MIER2: variants seen among roughly 807,000 people sequenced by gnomAD.
MIER2 encodes mesoderm induction early response protein 2.
Under a neutral mutation model 67.6 loss-of-function variants are expected in MIER2, and 30 were observed. The observed-to-expected ratio is 0.44, with a 90% CI of 0.33 to 0.60. MIER2 has a LOEUF of 0.60. Ranked by LOEUF, MIER2 falls within the 20% of genes least tolerant of loss-of-function variation. The pLI, the probability that MIER2 is intolerant of heterozygous loss-of-function variation, is 0.02. For synonymous variants in MIER2, 372 were observed against 312.6 expected, an observed-to-expected ratio of 1.19 and a Z score of -2.00; for missense variants, 702 against 745.1, an observed-to-expected ratio of 0.94 and a Z score of 0.67.
intron 3 of MIER2, among the ~76,000 whole-genome samples, chr19:330,985 C>A (rs573101136): frequency 2.6e-4 from 40 of 152,262 alleles, no homozygotes; most frequent in African/African-American, 9.1e-4. Context: ...ATACTCCTAC[C>A]TTTTTCAACC....
chr19:312,000 AGG>A, intron 9 of MIER2, 61 bp from the exon 10 acceptor site: 1 of 1,343,094 alleles, frequency 7.4e-7, no homozygotes, highest in East Asian at 4.5e-5. Context: ...AGCGGAAGGA[AGG>A]CCCAGGCCGG....
chr19:314,592 T>C (rs1971153114), intron 7 of MIER2, among the ~76,000 whole-genome samples: 1 of 152,034 alleles, frequency 6.6e-6, no homozygotes, highest in Non-Finnish European at 1.5e-5. Context: ...CCCAGGTTGG[T>C]GCTGTGCCCC....
At chr19:342,339 C>T (rs1568241168) in intron 1 of MIER2, among the ~76,000 whole-genome samples, 1 of 152,014 alleles carries the variant, frequency 6.6e-6, no homozygotes. Flanking sequence ...GAAGAGAAAA[C>T]AGGGCGCACG....
At chr19:318,690 C>T (rs1445733884) in intron 7 of MIER2, among the ~76,000 whole-genome samples, 2 of 152,136 alleles carry the variant, frequency 1.3e-5, no homozygotes, top group South Asian at 2.1e-4. Context: ...GGACATAAAG[C>T]GAGGTGCAAC....
chr19:310,512 C>T (rs895626116), intron 10 of MIER2, among the ~76,000 whole-genome samples: 10 of 67,092 alleles, frequency 1.5e-4, no homozygotes, highest in African/African-American at 1.0e-3. Flanking sequence ...GTTACAAAAA[C>T]GCGGCCCTGA....
At chr19:317,869 A>T (rs1198186151) in intron 7 of MIER2, among the ~76,000 whole-genome samples, 2 of 152,192 alleles carry the variant, frequency 1.3e-5, no homozygotes, top group Non-Finnish European at 2.9e-5. Flanking sequence ...TACATGGACT[A>T]AAAAGTCTAT....
chr19:336,732 T>C (rs945205977), intron 1 of MIER2, among the ~76,000 whole-genome samples: 12 of 152,314 alleles, frequency 7.9e-5, no homozygotes, highest in Middle Eastern at 3.4e-3. Flanking sequence ...ACACTAAAAA[T>C]CAATGAATTA....
chr19:338,170 C>CAAA (rs34351754), intron 1 of MIER2, among the ~76,000 whole-genome samples: 2 of 76,902 alleles, frequency 2.6e-5, no homozygotes, highest in Non-Finnish European at 5.1e-5. Context: ...GACTCCATCT[C>CAAA]AAAAAAAAAA....
intron 8 of MIER2, among the ~76,000 whole-genome samples, chr19:313,135 C>T (rs1472697113): frequency 2.3e-5 from 3 of 130,844 alleles, no homozygotes; most frequent in East Asian, 3.1e-4. Context: ...GTCCACACCA[C>T]CCTCCTGGGC....
rs1015377937 is a variant in MIER2 at position 333,764 on chromosome 19, C to A, written c.243+636G>T. ...AGTGCAGTGGCACGATCTCAGCTCA[C>A]TGCAAGCTCCGTCTCCCGGGTTCAC... On this transcript the variant is annotated intron_variant, in intron 3 of 13. Transcript: ENST00000264819. 2.8e-5 allele frequency among the ~76,000 whole-genome samples: 4 copies of A among 143,930 alleles called. No individual in the cohort carries two copies. The Admixed American group carries it at 2.8e-4, about 10-fold the overall frequency. The allele number at this position is 143,930 out of a possible 152,430, so 94.4% of individuals were successfully genotyped here. A position where few individuals can be genotyped will look rare whatever the true frequency, so the allele number is the denominator to read the frequency against.
At chr19:336,425 G>A (rs1290777180) in intron 1 of MIER2, among the ~76,000 whole-genome samples, 2 of 152,248 alleles carry the variant, frequency 1.3e-5, no homozygotes, top group Non-Finnish European at 2.9e-5. Flanking sequence ...CATGCATCAT[G>A]TGACACTGAA....
intron 1 of MIER2, chr19:343,735 G>GT (rs1972608649): frequency 3.0e-6 from 2 of 670,364 alleles, no homozygotes; most frequent in Admixed American, 6.3e-5. Context: ...CCCGCCTGTC[G>GT]TAACTTCTGC....
chr19:317,090 A>C (rs1196065909), intron 7 of MIER2, among the ~76,000 whole-genome samples: 2 of 152,198 alleles, frequency 1.3e-5, no homozygotes, highest in African/African-American at 4.8e-5. Flanking sequence ...AGAAGATATA[A>C]AAAAATTAAA....
At chr19:315,179 A>G (rs1971184267) in intron 7 of MIER2, among the ~76,000 whole-genome samples, 1 of 152,100 alleles carries the variant, frequency 6.6e-6, no homozygotes, top group South Asian at 2.1e-4. Flanking sequence ...AGCCTGGCAA[A>G]CATGGCGAAA....
At chr19:340,071 GGT>G (rs2145565094) in intron 1 of MIER2, among the ~76,000 whole-genome samples, 1 of 152,190 alleles carries the variant, frequency 6.6e-6, no homozygotes, top group African/African-American at 2.4e-5. Context: ...CTTCTTCACG[GGT>G]CCTCAAGAAA....
chr19:333,153 C>T lies in MIER2; in HGVS notation c.243+1247G>A, dbSNP rs193115727. Among the ~76,000 whole-genome samples the T allele has an allele frequency of 1.6e-4, 16 of 99,092 alleles. 4 individuals carry two copies. The highest frequency in any genetic ancestry group is 5.6e-4 in the Admixed American group (5 of 8,976). The allele number at this position is 99,092 out of a possible 152,430, so 65.0% of individuals were successfully genotyped here. Reference sequence around the variant, plus strand: ...GACTACAGTCACCCGCCACTATGCCCGGCTAATTTTGTTTTTGTATTTTTA... The same window carrying T: ...GACTACAGTCACCCGCCACTATGCCTGGCTAATTTTGTTTTTGTATTTTTA... On this transcript the variant is annotated intron_variant, in intron 3 of 13. Coordinates refer to ENST00000264819, the MANE Select transcript of MIER2 (RefSeq NM_017550.3).
chr19:311,380 C>T (rs960008377), intron 10 of MIER2, among the ~76,000 whole-genome samples: 3 of 152,232 alleles, frequency 2.0e-5, no homozygotes, highest in Non-Finnish European at 4.4e-5. Context: ...GGGCAGAAGG[C>T]CCCGGCACTT....
In MIER2 at chr19:309,952, A is replaced by G. The variant is rs113968536; in HGVS notation, c.985-1027T>C. On this transcript the variant is annotated intron_variant, in intron 10 of 13. Transcript: ENST00000264819. ...CACAAGGCTTCAGGGAGACGAGAAGAGACACACACACGCACACAAGGCTTC... is the reference window on the plus strand; with the variant it reads ...CACAAGGCTTCAGGGAGACGAGAAGGGACACACACACGCACACAAGGCTTC... Among the ~76,000 whole-genome samples, 296 of 83,666 alleles carry G rather than the reference A, an allele frequency of 3.5e-3. 7 individuals carry two copies. The highest frequency in any genetic ancestry group is 0.019 in the Admixed American group (153 of 8,010). The allele number at this position is 83,666 out of a possible 152,430, so 54.9% of individuals were successfully genotyped here. A position where few individuals can be genotyped will look rare whatever the true frequency, so the allele number is the denominator to read the frequency against.
rs571477490 is a variant in MIER2 at position 327,053 on chromosome 19, C to T, written c.493+80G>A. 1.5e-4 allele frequency: 224 copies of T among 1,511,728 alleles called. No individual in the cohort carries two copies. The African/African-American group carries it at 2.9e-3, about 20-fold the overall frequency. 93.6% of individuals were successfully genotyped at this position (1,511,728 alleles called of 1,614,324 possible). On this transcript the variant is annotated intron_variant, in intron 5 of 13. Transcript: ENST00000264819. ...GTGATGAGTTCTTGGCCTGCATCAG[C>T]CCAAGGACCCTTCATCAAGCATCAC...
Sources: gnomAD v4.1 joint callset for allele counts (sites outside exome capture counted in the v4.1 genomes callset) on GRCh38, gnomAD v4.1.1 for gene constraint, MANE v1.5 for transcripts, NCBI Gene and HGNC (gene_info 2026-07-23, HGNC 2026-07-21) for gene names.